The following PFKFB1 variants were observed in gnomAD, a reference collection of about 807,000 sequenced individuals.
PFKFB1 encodes the protein 6-phosphofructo-2-kinase/fructose-2,6-biphosphatase 1, also known as 6-phosphofructo-2-kinase/fructose-2,6-bisphosphatase 1.
In PFKFB1, 34 loss-of-function variants were observed where a neutral mutation model predicts 46.4. The ratio of observed to expected loss-of-function variants is 0.73; its 90% CI spans 0.56 to 0.98. PFKFB1 has a LOEUF of 0.98. Ranked by LOEUF, PFKFB1 falls within the 50% of genes least tolerant of loss-of-function variation. The probability of loss-of-function intolerance (pLI) is 0.00; values close to 1 mark genes in which losing one functional copy is unlikely to be tolerated. For missense variants in PFKFB1, 393 were observed against 376.3 expected (o/e 1.04, Z -0.37); for synonymous variants, 119 against 133.8 (o/e 0.89, Z 0.76).
chrX:54,978,600 G>C (rs1212074607), intron 1 of PFKFB1, among the ~76,000 whole-genome samples: 1 of 111,529 alleles, frequency 9.0e-6, no homozygotes, highest in African/African-American at 3.2e-5. Context: ...CCTTCCCCTT[G>C]AGTGTGGGCT....
chrX:54,981,908 C>CAG (rs996154657), intron 1 of PFKFB1, among the ~76,000 whole-genome samples: 12 of 111,183 alleles, frequency 1.1e-4, no homozygotes, highest in Non-Finnish European at 1.9e-4. Context: ...CAGGCACTTT[C>CAG]AGAGAGAGAG....
chrX:54,935,955 T>A, intron 11 of PFKFB1, among the ~76,000 whole-genome samples: 1 of 111,826 alleles, frequency 8.9e-6, no homozygotes, highest in East Asian at 2.8e-4. Context: ...GGTCTGCCAC[T>A]GCCCTCCCAG....
intron 10 of PFKFB1, among the ~76,000 whole-genome samples, chrX:54,943,264 G>T (rs775796987): frequency 4.6e-4 from 51 of 111,679 alleles, no homozygotes; most frequent in African/African-American, 1.6e-3. Context: ...AAGAAAACTA[G>T]ACTGACAGCA....
Position 54,945,471 on chromosome X carries a change from C to G in PFKFB1, c.1066G>C (p.Asp356His). The change falls in exon 10 of 14, where the codon GAT becomes CAT. Residue 356 changes from aspartate (D) to histidine (H), a missense_variant. By Grantham distance (81) the Asp-to-His change is moderately conservative. Coordinates refer to ENST00000375006, the MANE Select transcript of PFKFB1 (RefSeq NM_002625.4). ...YPEEFALRDQ[D>H]KYRYRYPKGE... Reference sequence around the variant, plus strand: ...TTGGGATAGCGGTAGCGATATTTATCTTGGTCTCGCAGTGCAAATTCTTCA... The same window carrying G: ...TTGGGATAGCGGTAGCGATATTTATGTTGGTCTCGCAGTGCAAATTCTTCA... 8.3e-7 allele frequency: 1 copy of G among 1,201,822 alleles called. No individual in the cohort carries two copies. Among genetic ancestry groups the G allele is most frequent in the Non-Finnish European group, 1.1e-6 (1 of 887,396 alleles).
chrX:54,939,078 G>A (rs1188312005), intron 10 of PFKFB1, among the ~76,000 whole-genome samples: 1 of 111,823 alleles, frequency 8.9e-6, no homozygotes, highest in Non-Finnish European at 1.9e-5. Context: ...AAGAACTCAG[G>A]ATTAAGAAAC....
chrX:54,987,729 C>A (rs1312698027), intron 1 of PFKFB1, among the ~76,000 whole-genome samples: 1 of 110,513 alleles, frequency 9.0e-6, no homozygotes, highest in Non-Finnish European at 1.9e-5. Context: ...GACAAAAAAA[C>A]CAAATGATCA....
chrX:54,969,032 C>T (rs774941209), intron 1 of PFKFB1, among the ~76,000 whole-genome samples: 2 of 111,616 alleles, frequency 1.8e-5, no homozygotes, highest in African/African-American at 6.5e-5. Context: ...CAAGAAAGCA[C>T]GGTTTTTCCC....
upstream of PFKFB1, chrX:54,998,270 T>C (rs563085531): frequency 1.4e-4 from 74 of 510,908 alleles, no homozygotes; most frequent in South Asian, 2.1e-3. Context: ...ATAGATATAA[T>C]CTTTTCCCCC....
intron 1 of PFKFB1, among the ~76,000 whole-genome samples, chrX:54,968,082 C>T (rs1442431315): frequency 1.3e-4 from 3 of 23,691 alleles, no homozygotes; most frequent in African/African-American, 5.6e-4. Flanking sequence ...AAATGTCCAA[C>T]AATGATAGAC....
intron 1 of PFKFB1, among the ~76,000 whole-genome samples, chrX:54,974,834 C>T (rs984770282): frequency 3.6e-5 from 4 of 111,152 alleles, no homozygotes; most frequent in East Asian, 2.8e-4. Context: ...ATATAAACAG[C>T]GAACAAACAC....
In PFKFB1 at chrX:54,993,325, A is replaced by G. The variant is rs192302689; in HGVS notation, c.97+586T>C. Among the ~76,000 whole-genome samples the G allele has an allele frequency of 3.2e-3, 359 of 112,517 alleles. 1 individual carries two copies. Among genetic ancestry groups the G allele is most frequent in the African/African-American group, 0.011 (343 of 30,923 alleles). ...AATTTCCAGAGCAGCAAGGAAGTCC[A>G]TATGTGCCAGGAAGGCAACACTGGA... On this transcript the variant is annotated intron_variant, in intron 1 of 13. Transcript: ENST00000375006.
chrX:54,992,613 T>C (rs1010084526), intron 1 of PFKFB1, among the ~76,000 whole-genome samples: 5 of 112,556 alleles, frequency 4.4e-5, no homozygotes, highest in African/African-American at 1.6e-4. Flanking sequence ...CACATATTTA[T>C]TTTTCACCTT....
intron 1 of PFKFB1, among the ~76,000 whole-genome samples, chrX:54,973,917 A>C (rs748053109): frequency 4.5e-5 from 5 of 111,677 alleles, no homozygotes; most frequent in African/African-American, 1.3e-4. Flanking sequence ...AACACCAATA[A>C]AACATGTATA....
chrX:54,942,340 T>C (rs933446870), intron 10 of PFKFB1, among the ~76,000 whole-genome samples: 5 of 111,348 alleles, frequency 4.5e-5, no homozygotes, highest in African/African-American at 1.6e-4. Flanking sequence ...CATGTATACA[T>C]ATGTAACAAA....
intron 1 of PFKFB1, among the ~76,000 whole-genome samples, chrX:54,986,285 C>G (rs1448415130): frequency 9.0e-6 from 1 of 111,461 alleles, no homozygotes; most frequent in African/African-American, 3.3e-5. Flanking sequence ...GACTCCATCT[C>G]TATTCTAAAA....
intron 11 of PFKFB1, among the ~76,000 whole-genome samples, chrX:54,937,222 G>A (rs1434762581): frequency 8.9e-6 from 1 of 111,806 alleles, no homozygotes; most frequent in African/African-American, 3.3e-5. Context: ...AGAAATACTA[G>A]CTCATCTTTT....
chrX:54,969,921 T>G (rs1381307549), intron 1 of PFKFB1, among the ~76,000 whole-genome samples: 2 of 112,271 alleles, frequency 1.8e-5, no homozygotes, highest in Non-Finnish European at 3.8e-5. Flanking sequence ...TTATGTTTTA[T>G]TTTTTGAGAC....
chrX:54,942,112 A>C lies in PFKFB1; in HGVS notation c.1098+3327T>G, dbSNP rs1161496057. Among the ~76,000 whole-genome samples, 3 of 111,660 alleles carry C rather than the reference A, an allele frequency of 2.7e-5. No individual in the cohort carries two copies. In the East Asian group the frequency reaches 8.4e-4, roughly 31 times the overall value. On this transcript the variant is annotated intron_variant, in intron 10 of 13. Coordinates refer to ENST00000375006, the MANE Select transcript of PFKFB1 (RefSeq NM_002625.4). ...TTTGTAGTGACATGGATGAAGCTGG[A>C]AACCTTCATTCTCAGCAAACTATCT...
chrX:54,946,416 T>C (rs1933813125), intron 9 of PFKFB1, among the ~76,000 whole-genome samples: 1 of 111,771 alleles, frequency 8.9e-6, no homozygotes, highest in South Asian at 3.8e-4. Context: ...GAAAGTGATG[T>C]TGGGTTTCTA....
Sources: allele counts gnomAD v4.1 joint callset (sites outside exome capture counted in the v4.1 genomes callset), GRCh38; gene constraint gnomAD v4.1.1; transcripts MANE v1.5; gene names NCBI Gene and HGNC (gene_info 2026-07-23, HGNC 2026-07-21).